Variants in TCF7L1 observed in about 807,000 individuals in gnomAD.
TCF7L1 encodes transcription factor 7 like 1.
A neutral mutation model predicts 63.7 loss-of-function variants in TCF7L1; 18 were observed. The ratio of observed to expected loss-of-function variants is 0.28; its 90% CI spans 0.20 to 0.42. The LOEUF (loss-of-function observed/expected upper bound fraction) is 0.42. TCF7L1 is among the 10% of genes least tolerant of loss of function. The pLI, the probability that TCF7L1 is intolerant of heterozygous loss-of-function variation, is 1.00. For synonymous variants in TCF7L1, 355 were observed against 340.9 expected (o/e 1.04, Z -0.46); for missense variants, 654 against 779.3 (o/e 0.84, Z 1.91).
At chr2:85,262,929 C>T (rs1680889816) in intron 3 of TCF7L1, among the ~76,000 whole-genome samples, 1 of 152,172 alleles carries the variant, frequency 6.6e-6, no homozygotes, top group Admixed American at 6.5e-5. Context: ...TTGGGCCAGG[C>T]CAGTGGCTAT....
Position 85,302,656 on chromosome 2 carries a change from G to T in TCF7L1, c.658+40G>T, listed in dbSNP as rs749467978. The stretch of plus-strand genomic sequence containing the variant: ...ACTCAGGCAGTGCTGCTGCAGGGCA[G>T]GCGGGCTTCTCTTTTGTGGGAACAT... On this transcript the variant is annotated intron_variant, in intron 5 of 11. Coordinates refer to ENST00000282111, the MANE Select transcript of TCF7L1 (RefSeq NM_031283.3). 1.1e-5 allele frequency: 17 copies of T among 1,584,316 alleles called. No homozygotes were observed. In the Admixed American group the frequency reaches 2.1e-4, roughly 19 times the overall value.
intron 3 of TCF7L1, among the ~76,000 whole-genome samples, chr2:85,269,608 A>C (rs950297723): frequency 6.6e-6 from 1 of 152,232 alleles, no homozygotes; most frequent in African/African-American, 2.4e-5. Flanking sequence ...ACACCCAGCC[A>C]AAAATACTGG....
At position 85,134,153 on chromosome 2, in the gene TCF7L1, G is replaced by A; in HGVS notation, c.313+74G>A. The A allele has an allele frequency of 1.3e-6, 2 of 1,567,778 alleles. No individual in the cohort carries two copies. The highest frequency in any genetic ancestry group is 8.7e-7 in the Non-Finnish European group (1 of 1,154,704). ...CGCTGCTCAGCCCGGGCGGCCCACC[G>A]TCCCCCTTGCTTGGGTGGACGCACC... On this transcript the variant is annotated intron_variant, in intron 2 of 11. Coordinates refer to ENST00000282111, the MANE Select transcript of TCF7L1 (RefSeq NM_031283.3). This position sits in a 1 kb window ranked among gnomAD's most constrained non-coding sequence, Gnocchi z 5.0.
At chr2:85,217,438 G>A (rs533084732) in intron 3 of TCF7L1, among the ~76,000 whole-genome samples, 3 of 152,248 alleles carry the variant, frequency 2.0e-5, no homozygotes, top group East Asian at 1.9e-4. Context: ...TTCTGCTCAC[G>A]TTTGATGTCA....
chr2:85,148,528 TG>T (rs1337675165), intron 3 of TCF7L1, among the ~76,000 whole-genome samples: 1 of 152,128 alleles, frequency 6.6e-6, no homozygotes, highest in Non-Finnish European at 1.5e-5. Flanking sequence ...TAATGATAAA[TG>T]GGGACAGATA....
chr2:85,160,047 T>C (rs961298400), intron 3 of TCF7L1, among the ~76,000 whole-genome samples: 3 of 152,224 alleles, frequency 2.0e-5, no homozygotes, highest in Admixed American at 1.3e-4. Context: ...ACCTAAAGGC[T>C]TTTTTCCTTT....
At chr2:85,208,152 A>G (rs899899777) in intron 3 of TCF7L1, among the ~76,000 whole-genome samples, 3 of 152,116 alleles carry the variant, frequency 2.0e-5, no homozygotes, top group Non-Finnish European at 4.4e-5. Flanking sequence ...GTGATCCACC[A>G]GCCTCGGCCT....
chr2:85,177,721 A>G (rs1251658020), intron 3 of TCF7L1, among the ~76,000 whole-genome samples: 1 of 152,178 alleles, frequency 6.6e-6, no homozygotes, highest in Non-Finnish European at 1.5e-5. Context: ...ATAAAAATAA[A>G]AAAATGAAAA....
intron 3 of TCF7L1, among the ~76,000 whole-genome samples, chr2:85,189,321 A>T (rs948211380): frequency 6.6e-6 from 1 of 152,136 alleles, no homozygotes; most frequent in Non-Finnish European, 1.5e-5. Flanking sequence ...GTGACATGTT[A>T]GACAATCTCA....
chr2:85,210,457 C>T (rs867882241), intron 3 of TCF7L1, among the ~76,000 whole-genome samples: 1 of 152,164 alleles, frequency 6.6e-6, no homozygotes, highest in Non-Finnish European at 1.5e-5. Flanking sequence ...GTAGCCAAGA[C>T]AGCAAAGGTT....
In TCF7L1 at chr2:85,271,818, T is replaced by G. The variant is rs141841803; in HGVS notation, c.442-11677T>G. ...AGTCCTGTAAGAATGAGTAGCCTCC[T>G]GCTAGCTTTAAACAGCACAGTTTTA... On this transcript the variant is annotated intron_variant, in intron 3 of 11. Transcript: ENST00000282111. 3.9e-5 allele frequency among the ~76,000 whole-genome samples: 6 copies of G among 152,354 alleles called. No homozygotes were observed. In the East Asian group the frequency reaches 1.2e-3, roughly 29 times the overall value.
chr2:85,155,214 G>A (rs758578693), intron 3 of TCF7L1, among the ~76,000 whole-genome samples: 4 of 152,126 alleles, frequency 2.6e-5, no homozygotes, highest in Non-Finnish European at 5.9e-5. Context: ...TCTTACGAGA[G>A]GTTTGTAAAA....
intron 3 of TCF7L1, among the ~76,000 whole-genome samples, chr2:85,170,162 T>C (rs190434693): frequency 7.4e-4 from 112 of 152,128 alleles, no homozygotes; most frequent in African/African-American, 2.7e-3. Context: ...GTGAGTAGAG[T>C]TGTGTACCCC....
chr2:85,224,728 G>A (rs1156924563), intron 3 of TCF7L1, among the ~76,000 whole-genome samples: 1 of 152,154 alleles, frequency 6.6e-6, no homozygotes, highest in Non-Finnish European at 1.5e-5. Flanking sequence ...CTCCTATTCT[G>A]TAGGTTGCCT....
chr2:85,164,958 A>G (rs759581303), intron 3 of TCF7L1, among the ~76,000 whole-genome samples: 2 of 152,222 alleles, frequency 1.3e-5, no homozygotes, highest in African/African-American at 2.4e-5. Flanking sequence ...AAATATTACC[A>G]TGGTGGAAAA....
intron 4 of TCF7L1, among the ~76,000 whole-genome samples, chr2:85,285,520 GT>G (rs1681525610): frequency 6.6e-6 from 1 of 152,180 alleles, no homozygotes; most frequent in Non-Finnish European, 1.5e-5. Flanking sequence ...AAGGCAGCAG[GT>G]TCTGCAGCCA....
intron 3 of TCF7L1, among the ~76,000 whole-genome samples, chr2:85,161,395 T>C (rs1345526615): frequency 6.6e-6 from 1 of 152,230 alleles, no homozygotes; most frequent in Non-Finnish European, 1.5e-5. Flanking sequence ...AAGGCTGCAG[T>C]TATCTTTGCA....
chr2:85,278,476 G>A (rs1369305728), intron 3 of TCF7L1, among the ~76,000 whole-genome samples: 1 of 152,150 alleles, frequency 6.6e-6, no homozygotes, highest in Non-Finnish European at 1.5e-5. Flanking sequence ...TGACCAAATA[G>A]GGCTTACCTG....
intron 4 of TCF7L1, among the ~76,000 whole-genome samples, chr2:85,291,030 G>A (rs1464029430): frequency 6.6e-6 from 1 of 152,218 alleles, no homozygotes; most frequent in East Asian, 1.9e-4. Flanking sequence ...CCATTCTGTA[G>A]AAGTCTGACA....
Sources: gnomAD v4.1 joint callset for allele counts (sites outside exome capture counted in the v4.1 genomes callset) on GRCh38, gnomAD v4.1.1 for gene constraint, Gnocchi (gnomAD v3.1) non-coding constraint, MANE v1.5 for transcripts, NCBI Gene and HGNC (gene_info 2026-07-23, HGNC 2026-07-21) for gene names.